Variants in PHLPP1 observed in about 807,000 individuals in gnomAD.
PHLPP1 encodes PH domain leucine-rich repeat-containing protein phosphatase 1.
Under a neutral mutation model 117.2 loss-of-function variants are expected in PHLPP1, and 42 were observed. That is an observed-to-expected ratio of 0.36 (90% CI 0.28 to 0.46). The LOEUF (loss-of-function observed/expected upper bound fraction) is 0.46. PHLPP1 is among the 20% of genes least tolerant of loss of function. The probability of loss-of-function intolerance (pLI) is 1.00; values close to 1 mark genes in which losing one functional copy is unlikely to be tolerated. For missense variants in PHLPP1, 2,084 were observed against 2,241.9 expected, an observed-to-expected ratio of 0.93 and a Z score of 1.42; for synonymous variants, 1,042 against 970.7, an observed-to-expected ratio of 1.07 and a Z score of -1.37.
intron 12 of PHLPP1, among the ~76,000 whole-genome samples, chr18:62,952,054 A>G (rs2610060): frequency 0.43 from 64,770 of 151,418 alleles, 14,106 homozygotes; most frequent in East Asian, 0.63. Flanking sequence ...TCCTGACCTC[A>G]TGATCCACCC....
chr18:62,896,108 T>A, intron 6 of PHLPP1, 97 bp downstream of exon 6: 1 of 690,438 alleles, frequency 1.4e-6, no homozygotes, highest in Non-Finnish European at 2.5e-6. Flanking sequence ...GCTGGGTAAT[T>A]GAATGTGGGC....
At chr18:62,965,647 CAG>C (rs1272303243) in intron 14 of PHLPP1, among the ~76,000 whole-genome samples, 4 of 150,834 alleles carry the variant, frequency 2.7e-5, no homozygotes, top group African/African-American at 7.3e-5. Flanking sequence ...TTAGTAGAAA[CAG>C]GGTTTCACCA....
At position 62,715,753 on chromosome 18, in the gene PHLPP1, C is replaced by G; in HGVS notation, c.70C>G (p.Pro24Ala). ...CGGCAGGGAGGACCGAGCTTCGGCT[C>G]CGGCGGCCGCCGCTGCGGCAGCAGC... is the stretch of plus-strand genomic sequence containing the variant. ...ELGREDRASA[P>A]AAAAAAAAAA... Residue 24 changes from proline (P) to alanine (A), a missense_variant, in exon 1 of 17, where the codon CCG (proline) becomes GCG (alanine). This residue lies in a region of PHLPP1 where 719 missense variants were observed against 636.0 expected (regional missense o/e 1.13). Coordinates refer to ENST00000262719, the MANE Select transcript of PHLPP1 (RefSeq NM_194449.4). 8.5e-7 allele frequency: 1 copy of G among 1,179,102 alleles called. No homozygotes were observed. Among genetic ancestry groups the G allele is most frequent in the South Asian group, 4.0e-5 (1 of 24,784 alleles). 73.0% of individuals were successfully genotyped at this position (1,179,102 alleles called of 1,614,324 possible).
intron 1 of PHLPP1, among the ~76,000 whole-genome samples, chr18:62,771,850 A>T (rs12458959): frequency 0.067 from 10,246 of 152,268 alleles, 396 homozygotes; most frequent in Middle Eastern, 0.088. Flanking sequence ...CATTTTCACC[A>T]GTCATCAATA....
At chr18:62,744,003 A>G (rs996223875) in intron 1 of PHLPP1, among the ~76,000 whole-genome samples, 8 of 152,242 alleles carry the variant, frequency 5.3e-5, no homozygotes, top group Non-Finnish European at 8.8e-5. Context: ...GATTTAGAGC[A>G]GAGGTCCAAA....
At chr18:62,777,596 G>A (rs188394174) in intron 1 of PHLPP1, among the ~76,000 whole-genome samples, 275 of 151,886 alleles carry the variant, frequency 1.8e-3, no homozygotes, top group African/African-American at 6.5e-3. Context: ...TTTGTGAGGT[G>A]TTTTTTGCCT....
chr18:62,944,437 A>G (rs1910218339), intron 11 of PHLPP1, among the ~76,000 whole-genome samples: 1 of 152,266 alleles, frequency 6.6e-6, no homozygotes, highest in Non-Finnish European at 1.5e-5. Context: ...ACATTAGAAC[A>G]TATTATTAAG....
At chr18:62,844,062 C>T (rs896313121) in intron 3 of PHLPP1, among the ~76,000 whole-genome samples, 1 of 152,134 alleles carries the variant, frequency 6.6e-6, no homozygotes, top group Non-Finnish European at 1.5e-5. Flanking sequence ...AAGTCTGCTT[C>T]TTGGCCGGGC....
At chr18:62,912,326 A>G (rs148295499) in intron 8 of PHLPP1, among the ~76,000 whole-genome samples, 1,998 of 146,208 alleles carry the variant, frequency 0.014, 22 homozygotes, top group Non-Finnish European at 0.021. Context: ...TAAAAAAAAA[A>G]TAATAAAAAA....
chr18:62,838,131 G>GT (rs970515602), intron 2 of PHLPP1: 1 of 151,914 alleles, frequency 6.6e-6, no homozygotes, highest in African/African-American at 2.4e-5. Flanking sequence ...TTGATATGTA[G>GT]TTTTTCTAGA....
intron 10 of PHLPP1, among the ~76,000 whole-genome samples, chr18:62,931,275 A>G (rs1398617832): frequency 6.6e-6 from 1 of 152,112 alleles, no homozygotes; most frequent in African/African-American, 2.4e-5. Flanking sequence ...TGGAATAAAC[A>G]CAAAATTGAG....
chr18:62,761,313 G>T (rs906668799), intron 1 of PHLPP1, among the ~76,000 whole-genome samples: 3 of 152,040 alleles, frequency 2.0e-5, no homozygotes, highest in South Asian at 2.1e-4. Flanking sequence ...TCTAAGCAAG[G>T]TGTTAAAAGA....
chr18:62,772,471 T>G (rs567389694), intron 1 of PHLPP1, among the ~76,000 whole-genome samples: 1 of 152,194 alleles, frequency 6.6e-6, no homozygotes, highest in South Asian at 2.1e-4. Flanking sequence ...ATATCTTGGG[T>G]TGATGAAATG....
intron 1 of PHLPP1, among the ~76,000 whole-genome samples, chr18:62,731,564 C>T (rs1259097290): frequency 1.3e-5 from 2 of 152,058 alleles, no homozygotes; most frequent in Non-Finnish European, 2.9e-5. Flanking sequence ...GTTAGTAACC[C>T]TATAAAGGCC....
intron 1 of PHLPP1, among the ~76,000 whole-genome samples, chr18:62,768,661 G>C (rs906563251): frequency 6.6e-6 from 1 of 152,094 alleles, no homozygotes; most frequent in Non-Finnish European, 1.5e-5. Flanking sequence ...GCTTAGTTAC[G>C]TGGTTATATT....
chr18:62,840,332 C>T (rs1252910108), intron 3 of PHLPP1, among the ~76,000 whole-genome samples: 2 of 152,074 alleles, frequency 1.3e-5, no homozygotes, highest in Non-Finnish European at 2.9e-5. Context: ...ACCTAATAGA[C>T]AAATGGAGGT....
intron 1 of PHLPP1, among the ~76,000 whole-genome samples, chr18:62,748,504 C>T (rs1445978921): frequency 6.6e-6 from 1 of 152,186 alleles, no homozygotes; most frequent in Non-Finnish European, 1.5e-5. Flanking sequence ...GCCTTGGCCA[C>T]CAAAGTGCTG....
At chr18:62,894,178 G>T (rs1485275651) in intron 4 of PHLPP1, among the ~76,000 whole-genome samples, 1 of 152,184 alleles carries the variant, frequency 6.6e-6, no homozygotes, top group African/African-American at 2.4e-5. Flanking sequence ...ATCAAGTACT[G>T]TATTGAGATC....
chr18:62,975,520 A>T lies in PHLPP1; in HGVS notation c.3879A>T (p.Thr1293=). ...CTGCTAATGTGGGCAAGTGCCAAAC[A>T]GTTCTCTGTCGAAATGGAAAGCCGC... The part of the protein sequence containing the change: ...LTSANVGKCQ[T]VLCRNGKPLP... Residue 1293 remains threonine (T), a synonymous_variant, in exon 16 of 17, where the codon ACA becomes ACT. Coordinates refer to ENST00000262719, the MANE Select transcript of PHLPP1 (RefSeq NM_194449.4). 6.2e-7 allele frequency: 1 copy of T among 1,613,950 alleles called. No individual in the cohort carries two copies. The highest frequency in any genetic ancestry group is 1.1e-5 in the South Asian group (1 of 91,090).
Sources: allele counts gnomAD v4.1 joint callset (sites outside exome capture counted in the v4.1 genomes callset), GRCh38; gene constraint gnomAD v4.1.1; regional missense constraint gnomAD v4.1.1; transcripts MANE v1.5; gene names NCBI Gene and HGNC (gene_info 2026-07-23, HGNC 2026-07-21).